RNF180: variants seen among roughly 807,000 people sequenced by gnomAD.
RNF180 encodes E3 ubiquitin-protein ligase RNF180.
Under a neutral mutation model 59.2 loss-of-function variants are expected in RNF180, and 38 were observed. That is an observed-to-expected ratio of 0.64 (90% CI 0.50 to 0.84). The LOEUF (loss-of-function observed/expected upper bound fraction) is 0.84, where lower values mean the gene tolerates loss of function less well. Among genes scored for constraint, RNF180 ranks in the 40% least tolerant of loss-of-function variants. RNF180 has a pLI of 0.00. For synonymous variants in RNF180, 262 were observed against 240.3 expected (o/e 1.09, Z -0.84); for missense variants, 705 against 700.9 (o/e 1.01, Z -0.07).
intron 2 of RNF180, among the ~76,000 whole-genome samples, chr5:64,210,016 T>C (rs544615296): frequency 2.0e-5 from 3 of 152,260 alleles, no homozygotes; most frequent in Middle Eastern, 3.4e-3. Context: ...GAAAAGCTAG[T>C]CATGACTGAA....
intron 5 of RNF180, among the ~76,000 whole-genome samples, chr5:64,261,812 C>T (rs1000893592): frequency 1.3e-5 from 2 of 152,096 alleles, no homozygotes; most frequent in African/African-American, 2.4e-5. Context: ...AGGAGTCATC[C>T]ACCATCACTT....
At chr5:64,267,091 A>C (rs1744723320) in intron 5 of RNF180, among the ~76,000 whole-genome samples, 1 of 152,096 alleles carries the variant, frequency 6.6e-6, no homozygotes, top group African/African-American at 2.4e-5. Flanking sequence ...TACCTGTCTG[A>C]AATTTTAAAA....
chr5:64,323,771 T>TAAC (rs1744491393), intron 5 of RNF180, among the ~76,000 whole-genome samples: 1 of 152,162 alleles, frequency 6.6e-6, no homozygotes, highest in Admixed American at 6.5e-5. Context: ...CTAAATGTAT[T>TAAC]AAGTGGATTA....
intron 5 of RNF180, among the ~76,000 whole-genome samples, chr5:64,237,887 T>G (rs998856089): frequency 6.6e-6 from 1 of 152,150 alleles, no homozygotes; most frequent in Non-Finnish European, 1.5e-5. Flanking sequence ...CCATGTACAA[T>G]GTACCTTTCT....
intron 5 of RNF180, among the ~76,000 whole-genome samples, chr5:64,256,421 G>A (rs1479350287): frequency 6.6e-6 from 1 of 152,114 alleles, no homozygotes; most frequent in Non-Finnish European, 1.5e-5. Context: ...TCTACATATG[G>A]CTAGCCAGTT....
At position 64,371,472 on chromosome 5, in the gene RNF180, G is replaced by A. The variant is rs574941828; in HGVS notation, c.*1658G>A. On this transcript the variant is annotated 3_prime_UTR_variant, in exon 8 of 8. Coordinates refer to ENST00000389100, the MANE Select transcript of RNF180 (RefSeq NM_001113561.2). Reference sequence around the variant, plus strand: ...TGATTCATTCCTAAATCACAATAAAGGTTTTAATTATGTATAAACTAAATA... The same window carrying A: ...TGATTCATTCCTAAATCACAATAAAAGTTTTAATTATGTATAAACTAAATA... 105 of 151,402 alleles carry A rather than the reference G, an allele frequency of 6.9e-4. 1 individual carries two copies. Among genetic ancestry groups the A allele is most frequent in the African/African-American group, 2.4e-3 (100 of 41,428 alleles). The allele number at this position is 151,402 out of a possible 1,614,324, so 9.4% of individuals were successfully genotyped here. A position where few individuals can be genotyped will look rare whatever the true frequency, so the allele number is the denominator to read the frequency against.
At chr5:64,174,317 A>G (rs1282822736) in intron 1 of RNF180, among the ~76,000 whole-genome samples, 1 of 152,204 alleles carries the variant, frequency 6.6e-6, no homozygotes, top group Non-Finnish European at 1.5e-5. Context: ...CTTTGGATAT[A>G]TACCCAGAAG....
intron 1 of RNF180, among the ~76,000 whole-genome samples, chr5:64,169,857 G>T (rs376796455): frequency 6.6e-6 from 1 of 152,188 alleles, no homozygotes; most frequent in African/African-American, 2.4e-5. Context: ...AGGCTATTTC[G>T]CGGGATAAAT....
rs577033419 is a variant in RNF180 at position 64,312,602 on chromosome 5, G to C, written c.1228-12584G>C. Among the ~76,000 whole-genome samples the C allele has an allele frequency of 5.3e-5, 8 of 152,178 alleles. No homozygotes were observed. In the South Asian group the frequency reaches 1.7e-3, roughly 32 times the overall value. ...TTGTAACTTGTTACTTTGCAGTGTT[G>C]TTAATCGTTCAGCATCAGTAAGGCA... On this transcript the variant is annotated intron_variant, in intron 5 of 7. Transcript: ENST00000389100.
intron 7 of RNF180, among the ~76,000 whole-genome samples, chr5:64,361,426 A>G (rs186634682): frequency 1.0e-3 from 152 of 151,726 alleles, no homozygotes; most frequent in African/African-American, 3.6e-3. Context: ...CCATATGAAC[A>G]TCTTCAGAGA....
chr5:64,203,154 T>A (rs1751838841), intron 2 of RNF180, among the ~76,000 whole-genome samples: 1 of 152,048 alleles, frequency 6.6e-6, no homozygotes, highest in African/African-American at 2.4e-5. Context: ...TGATACAGAG[T>A]TGAAAAAATA....
intron 7 of RNF180, among the ~76,000 whole-genome samples, chr5:64,335,008 T>C (rs1307690112): frequency 6.6e-6 from 1 of 152,220 alleles, no homozygotes; most frequent in Non-Finnish European, 1.5e-5. Flanking sequence ...ATCACCAGCT[T>C]TGTCTACCAC....
intron 5 of RNF180, among the ~76,000 whole-genome samples, chr5:64,320,222 C>T (rs1306057863): frequency 1.3e-5 from 2 of 152,154 alleles, no homozygotes; most frequent in Non-Finnish European, 2.9e-5. Flanking sequence ...TAGTCTTGAT[C>T]CTGCCCTTCC....
At chr5:64,368,865 C>A (rs371043619) in intron 7 of RNF180, among the ~76,000 whole-genome samples, 37 of 152,096 alleles carry the variant, frequency 2.4e-4, no homozygotes, top group Middle Eastern at 3.4e-3. Flanking sequence ...GTTGGTGGGA[C>A]TGTAAACTAG....
intron 7 of RNF180, among the ~76,000 whole-genome samples, chr5:64,367,865 AC>A (rs1425082694): frequency 6.6e-6 from 1 of 151,724 alleles, no homozygotes; most frequent in Non-Finnish European, 1.5e-5. Flanking sequence ...ACACAGAAAT[AC>A]TTAAAGTAGA....
At chr5:64,282,801 A>C (rs138673727) in intron 5 of RNF180, among the ~76,000 whole-genome samples, 4 of 152,140 alleles carry the variant, frequency 2.6e-5, no homozygotes, top group Non-Finnish European at 5.9e-5. Context: ...TTTAATTTGC[A>C]TGTGACTATA....
intron 5 of RNF180, among the ~76,000 whole-genome samples, chr5:64,277,086 T>C (rs1003485443): frequency 6.6e-6 from 1 of 151,722 alleles, no homozygotes; most frequent in Non-Finnish European, 1.5e-5. Flanking sequence ...AAAATTCATA[T>C]GTTTAAACCC....
chr5:64,230,946 T>A (rs1341218296), intron 5 of RNF180, among the ~76,000 whole-genome samples: 3 of 152,194 alleles, frequency 2.0e-5, no homozygotes, highest in Non-Finnish European at 4.4e-5. Flanking sequence ...TATCATAATT[T>A]GACATAAATG....
At chr5:64,169,512 A>T (rs1561161864) in intron 1 of RNF180, among the ~76,000 whole-genome samples, 3 of 152,226 alleles carry the variant, frequency 2.0e-5, no homozygotes, top group Admixed American at 1.3e-4. Context: ...GACTACCATT[A>T]TGACTATCAG....
Sources: gnomAD v4.1 joint callset for allele counts (sites outside exome capture counted in the v4.1 genomes callset) on GRCh38, gnomAD v4.1.1 for gene constraint, MANE v1.5 for transcripts, NCBI Gene and HGNC (gene_info 2026-07-23, HGNC 2026-07-21) for gene names.